ZNF559: variants seen among roughly 807,000 people sequenced by gnomAD.
ZNF559 encodes zinc finger protein 559, also known as putative protein product of Nbla00121.
Under a neutral mutation model 14.2 loss-of-function variants are expected in ZNF559, and 17 were observed. The observed-to-expected ratio is 1.20, with a 90% CI of 0.82 to 1.80. The LOEUF (loss-of-function observed/expected upper bound fraction) is 1.80, where lower values mean the gene tolerates loss of function less well. ZNF559 is among the 40% of genes most tolerant of loss of function. ZNF559 has a pLI of 0.00. For synonymous variants in ZNF559, 244 were observed against 212.4 expected, an observed-to-expected ratio of 1.15 and a Z score of -1.29; for missense variants, 740 against 629.7, an observed-to-expected ratio of 1.18 and a Z score of -1.88.
rs753602530 is a variant in ZNF559 at position 9,342,169 on chromosome 19, T to C, written c.718T>C (p.Phe240Leu). The change falls in exon 7 of 7, where the codon TTC becomes CTC. Residue 240 changes from phenylalanine (F) to leucine (L), a missense_variant. By Grantham distance (22) the Phe-to-Leu change is conservative. Transcript: ENST00000603380. ...VHMQTQDGEK[F>L]YECKACGKPF... ...CATGCAAACTCAAGATGGAGAAAAA[T>C]TCTATGAATGTAAAGCATGTGGGAA... The C allele has an allele frequency of 1.7e-5, 28 of 1,609,892 alleles. No individual in the cohort carries two copies. The highest frequency in any genetic ancestry group is 2.2e-5 in the Non-Finnish European group (26 of 1,178,858).
chr19:9,326,603 A>C (rs527406179), intron 2 of ZNF559, among the ~76,000 whole-genome samples: 48 of 152,302 alleles, frequency 3.2e-4, no homozygotes, highest in African/African-American at 1.1e-3. Flanking sequence ...AATTTTTAAA[A>C]ATTTTAGTAG....
At chr19:9,324,908 G>GC in intron 2 of ZNF559, 128 bp downstream of exon 2, 2 of 748,108 alleles carry the variant, frequency 2.7e-6, no homozygotes, top group Middle Eastern at 2.5e-4. Context: ...TCGAATGCAT[G>GC]AGTGGATGAA....
intron 2 of ZNF559, among the ~76,000 whole-genome samples, chr19:9,332,103 C>T (rs1310385111): frequency 6.6e-6 from 1 of 151,938 alleles, no homozygotes; most frequent in East Asian, 1.9e-4. Context: ...TTAGCTTTGG[C>T]GTTTTTGTAG....
intron 6 of ZNF559, chr19:9,341,433 T>G: frequency 1.3e-6 from 1 of 773,226 alleles, no homozygotes; most frequent in South Asian, 1.5e-5. Flanking sequence ...TGATAAATAA[T>G]TCACTCTTGG....
chr19:9,324,627 C>CCCA (rs2066474059), intron 1 of ZNF559, 68 bp from the exon 2 acceptor site: 2 of 1,053,562 alleles, frequency 1.9e-6, no homozygotes, highest in Non-Finnish European at 2.6e-6. Context: ...GACCCCCCCC[C>CCCA]CCAACCATCT....
At chr19:9,335,463 C>G (rs963142437) in intron 2 of ZNF559, among the ~76,000 whole-genome samples, 3 of 152,168 alleles carry the variant, frequency 2.0e-5, no homozygotes, top group Non-Finnish European at 4.4e-5. Context: ...AGCCCTGTCT[C>G]CCCCATACCC....
rs2067625905 is a variant in ZNF559, at chr19:9,342,426, T to C, written c.975T>C (p.Tyr325=). 1.2e-6 allele frequency: 2 copies of C among 1,614,056 alleles called. No individual in the cohort carries two copies. Among genetic ancestry groups the C allele is most frequent in the Non-Finnish European group, 1.7e-6 (2 of 1,180,040 alleles). ...GGGTTCACACTGGAGAAAAACCGTA[T>C]GAGTGCAACAAATGTGGGAAAGCCT... ...HIRVHTGEKP[Y]ECNKCGKAFT... Residue 325 remains tyrosine (Y), a synonymous_variant, in exon 7 of 7, where the codon TAT becomes TAC. Coordinates refer to ENST00000603380, the MANE Select transcript of ZNF559 (RefSeq NM_032497.3).
At chr19:9,333,817 A>T (rs961285302) in intron 2 of ZNF559, among the ~76,000 whole-genome samples, 2 of 152,190 alleles carry the variant, frequency 1.3e-5, no homozygotes, top group Non-Finnish European at 2.9e-5. Flanking sequence ...AAAAATTCAA[A>T]CAATCCAATA....
chr19:9,328,132 A>G (rs1003585592), intron 2 of ZNF559, among the ~76,000 whole-genome samples: 4 of 152,110 alleles, frequency 2.6e-5, no homozygotes, highest in African/African-American at 9.7e-5. Context: ...TATCTCTTAT[A>G]ATAAAGACCT....
intron 2 of ZNF559, among the ~76,000 whole-genome samples, chr19:9,328,869 G>T (rs891370360): frequency 6.6e-6 from 1 of 152,134 alleles, no homozygotes; most frequent in Non-Finnish European, 1.5e-5. Flanking sequence ...CTTCTTCTTG[G>T]TGTCAAAATA....
chr19:9,344,780 C>T lies in ZNF559; in HGVS notation c.*1712C>T, dbSNP rs1400351165. 6.6e-6 allele frequency: 1 copy of T among 152,170 alleles called. No individual in the cohort carries two copies. Among genetic ancestry groups the T allele is most frequent in the Non-Finnish European group, 1.5e-5 (1 of 68,044 alleles). 9.4% of individuals were successfully genotyped at this position (152,170 alleles called of 1,614,324 possible). A position where few individuals can be genotyped will look rare whatever the true frequency, so the allele number is the denominator to read the frequency against. On this transcript the variant is annotated 3_prime_UTR_variant, in exon 7 of 7. Coordinates refer to ENST00000603380, the MANE Select transcript of ZNF559 (RefSeq NM_032497.3). ...GCTTATGAGTCTTTGGTGAAGTGTACATTTAATGATCTTTTTTCACTGTTG... is the reference window on the plus strand; with the variant it reads ...GCTTATGAGTCTTTGGTGAAGTGTATATTTAATGATCTTTTTTCACTGTTG...
chr19:9,329,692 C>T (rs1037826350), intron 2 of ZNF559, among the ~76,000 whole-genome samples: 5 of 152,148 alleles, frequency 3.3e-5, no homozygotes, highest in Non-Finnish European at 5.9e-5. Context: ...GAGACAGAGT[C>T]TCACTCTGTT....
chr19:9,324,907 T>TTCATCCACTCATGCATTC, intron 2 of ZNF559, 127 bp downstream of exon 2: 1 of 748,978 alleles, frequency 1.3e-6, no homozygotes. Flanking sequence ...ATCGAATGCA[T>TTCATCCACTCATGCATTC]GAGTGGATGA....
In ZNF559 at chr19:9,342,165, A is replaced by G. The variant is rs1338255793; in HGVS notation, c.714A>G (p.Glu238=). Residue 238 remains glutamate, a synonymous_variant, in exon 7 of 7, where the codon GAA becomes GAG. Coordinates refer to ENST00000603380, the MANE Select transcript of ZNF559 (RefSeq NM_032497.3). ...TACACATGCAAACTCAAGATGGAGAAAAATTCTATGAATGTAAAGCATGTG... is the reference window on the plus strand; with the variant it reads ...TACACATGCAAACTCAAGATGGAGAGAAATTCTATGAATGTAAAGCATGTG... ...LFVHMQTQDG[E]KFYECKACGK... is the part of the protein sequence containing the mutation. The G allele has an allele frequency of 1.9e-6, 3 of 1,610,662 alleles. No homozygotes were observed. Among genetic ancestry groups the G allele is most frequent in the Non-Finnish European group, 2.5e-6 (3 of 1,179,080 alleles).
At chr19:9,337,434 G>T (rs1272591222) in intron 2 of ZNF559, among the ~76,000 whole-genome samples, 1 of 152,176 alleles carries the variant, frequency 6.6e-6, no homozygotes, top group Non-Finnish European at 1.5e-5. Context: ...TTTCTCAAGA[G>T]AGTGCAGGGT....
At chr19:9,325,148 G>C (rs1048546184) in intron 2 of ZNF559, among the ~76,000 whole-genome samples, 1 of 152,092 alleles carries the variant, frequency 6.6e-6, no homozygotes, top group East Asian at 1.9e-4. Context: ...TTACTCATTT[G>C]AAAGTCTTAC....
rs760717381 is a variant in ZNF559 at position 9,342,577 on chromosome 19, A to C, written c.1126A>C (p.Thr376Pro). 3 of 1,614,126 alleles carry C rather than the reference A, an allele frequency of 1.9e-6. No individual in the cohort carries two copies. Residue 376 changes from threonine (T) to proline (P), a missense_variant, in exon 7 of 7, where the codon ACT becomes CCT. Coordinates refer to ENST00000603380, the MANE Select transcript of ZNF559 (RefSeq NM_032497.3). Reference sequence around the variant, plus strand: ...TCTTACTGTACATATGAGAACTCACACTGGTGAGAAGCCTTATCAATGTAA... The same window carrying C: ...TCTTACTGTACATATGAGAACTCACCCTGGTGAGAAGCCTTATCAATGTAA... ...SHLTVHMRTH[T>P]GEKPYQCKEC... is the part of the protein sequence containing the mutation.
Position 9,339,288 on chromosome 19 carries a change from G to C in ZNF559, c.129G>C (p.Met43Ile). The stretch of plus-strand genomic sequence containing the variant: ...AGAGAAACTTATACAGAGATGTGAT[G>C]CTGGAGAACTATAAGAATCTAGTTG... ...QTQRNLYRDV[M>I]LENYKNLVAV... is the part of the protein sequence containing the mutation. Residue 43 changes from methionine to isoleucine, a missense_variant, in exon 5 of 7, where the codon ATG (methionine) becomes ATC (isoleucine). Transcript: ENST00000603380. 6.2e-7 allele frequency: 1 copy of C among 1,613,742 alleles called. No homozygotes were observed. The highest frequency in any genetic ancestry group is 8.5e-7 in the Non-Finnish European group (1 of 1,179,808).
chr19:9,334,866 G>C lies in ZNF559; in HGVS notation c.-119-2930G>C, dbSNP rs374104221. On this transcript the variant is annotated intron_variant, in intron 2 of 6. Coordinates refer to ENST00000603380, the MANE Select transcript of ZNF559 (RefSeq NM_032497.3). Reference sequence around the variant, plus strand: ...TTGGCTGGTCATGGCCAGGCGGGGTGGCTCATGCCTGTAATCCTAGCACTT... The same window carrying C: ...TTGGCTGGTCATGGCCAGGCGGGGTCGCTCATGCCTGTAATCCTAGCACTT... 4.6e-5 allele frequency among the ~76,000 whole-genome samples: 7 copies of C among 152,244 alleles called. No homozygotes were observed. The East Asian group carries it at 1.4e-3, about 29-fold the overall frequency.
Sources: allele counts gnomAD v4.1 joint callset (sites outside exome capture counted in the v4.1 genomes callset), GRCh38; gene constraint gnomAD v4.1.1; transcripts MANE v1.5; gene names NCBI Gene and HGNC (gene_info 2026-07-23, HGNC 2026-07-21).